Variants in SCAPER observed in about 807,000 individuals in gnomAD.
The protein encoded by SCAPER is S phase cyclin A-associated protein in the endoplasmic reticulum.
SCAPER carries 98 observed loss-of-function variants against 182.2 expected under a neutral mutation model. The observed-to-expected ratio is 0.54, with a 90% confidence interval of 0.46 to 0.64. The LOEUF is 0.64. Among genes scored for constraint, SCAPER ranks in the 30% least tolerant of loss-of-function variants. The pLI is 0.00. For missense variants in SCAPER, 1,432 were observed against 1,690.0 expected, an observed-to-expected ratio of 0.85 and a Z score of 2.68; for synonymous variants, 605 against 564.6, an observed-to-expected ratio of 1.07 and a Z score of -1.01.
At chr15:76,462,795 A>G (rs1187432944) in intron 25 of SCAPER, among the ~76,000 whole-genome samples, 2 of 152,178 alleles carry the variant, frequency 1.3e-5, no homozygotes, top group Admixed American at 1.3e-4. Flanking sequence ...TAGCTTTGAG[A>G]GTAAAGCTCT....
intron 24 of SCAPER, among the ~76,000 whole-genome samples, chr15:76,502,594 G>A (rs561406231): frequency 6.6e-6 from 1 of 152,004 alleles, no homozygotes; most frequent in South Asian, 2.1e-4. Context: ...AGGGGGGAGG[G>A]ATAGCATTAG....
intron 20 of SCAPER, among the ~76,000 whole-genome samples, chr15:76,673,185 A>G (rs1256989101): frequency 6.6e-6 from 1 of 152,110 alleles, no homozygotes; most frequent in Non-Finnish European, 1.5e-5. Context: ...ATTATCACAA[A>G]CCTTTCTGAG....
At chr15:76,624,176 C>T (rs145776209) in intron 21 of SCAPER, among the ~76,000 whole-genome samples, 3 of 152,242 alleles carry the variant, frequency 2.0e-5, no homozygotes, top group African/African-American at 4.8e-5. Flanking sequence ...CTCCTAGAAC[C>T]GATAGACGAC....
At chr15:76,825,255 A>AC (rs1555623948) in intron 5 of SCAPER, among the ~76,000 whole-genome samples, 2 of 150,358 alleles carry the variant, frequency 1.3e-5, no homozygotes, top group Non-Finnish European at 3.0e-5. Flanking sequence ...CAATTTGGTG[A>AC]TTTTTTTTTT....
intron 5 of SCAPER, among the ~76,000 whole-genome samples, chr15:76,807,930 C>T (rs184330368): frequency 1.3e-5 from 2 of 152,070 alleles, no homozygotes; most frequent in Non-Finnish European, 2.9e-5. Context: ...AAAGGAATCC[C>T]AGTTCTCCCA....
At chr15:76,838,284 G>A (rs1294874584) in intron 5 of SCAPER, among the ~76,000 whole-genome samples, 2 of 152,124 alleles carry the variant, frequency 1.3e-5, no homozygotes, top group African/African-American at 4.8e-5. Flanking sequence ...ATTATCCTAA[G>A]CAAACTAATG....
intron 15 of SCAPER, among the ~76,000 whole-genome samples, chr15:76,748,144 C>A (rs1319408777): frequency 6.6e-6 from 1 of 152,002 alleles, no homozygotes; most frequent in Non-Finnish European, 1.5e-5. Flanking sequence ...GCATGCGCCA[C>A]CATGCCGCGC....
intron 26 of SCAPER, among the ~76,000 whole-genome samples, chr15:76,416,259 G>A (rs1292422987): frequency 6.6e-6 from 1 of 151,654 alleles, no homozygotes; most frequent in African/African-American, 2.4e-5. Context: ...TGGATCACTA[G>A]AGGTCAGGAG....
intron 26 of SCAPER, among the ~76,000 whole-genome samples, chr15:76,408,900 A>G (rs947181345): frequency 2.0e-5 from 3 of 152,138 alleles, no homozygotes; most frequent in African/African-American, 7.2e-5. Flanking sequence ...ACCATCCTTG[A>G]AACAGCCAGA....
intron 26 of SCAPER, among the ~76,000 whole-genome samples, chr15:76,430,571 T>C (rs1325733736): frequency 6.6e-6 from 1 of 152,224 alleles, no homozygotes; most frequent in Non-Finnish European, 1.5e-5. Context: ...CCTGTTGGAT[T>C]TGGACTGGCA....
chr15:76,736,351 G>A (rs2061262910), intron 15 of SCAPER, among the ~76,000 whole-genome samples: 1 of 152,188 alleles, frequency 6.6e-6, no homozygotes, highest in African/African-American at 2.4e-5. Context: ...TGAAGTGGCT[G>A]TGGCAATTTC....
chr15:76,637,932 T>C (rs538752381), intron 21 of SCAPER, among the ~76,000 whole-genome samples: 4 of 152,042 alleles, frequency 2.6e-5, no homozygotes, highest in Admixed American at 1.3e-4. Flanking sequence ...TATGTCTTCT[T>C]TGGAGAAATG....
intron 25 of SCAPER, 114 bp downstream of exon 25, chr15:76,471,096 TTC>T (rs1491312472): frequency 2.3e-5 from 19 of 813,754 alleles, no homozygotes; most frequent in African/African-American, 3.7e-5. Context: ...CTTCTTCTTC[TTC>T]TTTTTTTTTT....
chr15:76,462,525 A>G (rs2049267830), intron 25 of SCAPER, among the ~76,000 whole-genome samples: 1 of 152,200 alleles, frequency 6.6e-6, no homozygotes, highest in Admixed American at 6.5e-5. Context: ...TTCTATGTGC[A>G]TTAAACTGTT....
chr15:76,811,382 T>C (rs550335184), intron 5 of SCAPER, among the ~76,000 whole-genome samples: 2 of 152,202 alleles, frequency 1.3e-5, no homozygotes, highest in African/African-American at 2.4e-5. Context: ...GGAAATTAAA[T>C]GAGACACTCT....
chr15:76,521,217 G>A (rs1034521724), intron 23 of SCAPER, among the ~76,000 whole-genome samples: 3 of 151,866 alleles, frequency 2.0e-5, no homozygotes, highest in African/African-American at 7.3e-5. Flanking sequence ...ATATTAGGAT[G>A]GTCATTTTGG....
chr15:76,850,876 AAG>A (rs1354187869), intron 4 of SCAPER, among the ~76,000 whole-genome samples: 22 of 151,468 alleles, frequency 1.5e-4, no homozygotes, highest in African/African-American at 4.6e-4. Context: ...AAAAAAAAAA[AAG>A]AAAAAAAAAG....
chr15:76,750,375 C>G (rs373875004), intron 15 of SCAPER, among the ~76,000 whole-genome samples: 2 of 151,938 alleles, frequency 1.3e-5, no homozygotes, highest in South Asian at 4.1e-4. Flanking sequence ...GAACTGACAC[C>G]AATCCTTCTC....
chr15:76,890,073 T>A (rs1339661963), intron 1 of SCAPER, among the ~76,000 whole-genome samples: 1 of 152,052 alleles, frequency 6.6e-6, no homozygotes, highest in Non-Finnish European at 1.5e-5. Flanking sequence ...GACTACTGGG[T>A]AAATAATGAA....
Sources: gnomAD v4.1 joint callset for allele counts (sites outside exome capture counted in the v4.1 genomes callset) on GRCh38, gnomAD v4.1.1 for gene constraint, MANE v1.5 for transcripts, NCBI Gene and HGNC (gene_info 2026-07-23, HGNC 2026-07-21) for gene names.